The following ERC2 variants were observed in gnomAD, a reference collection of about 807,000 sequenced individuals.
The protein encoded by ERC2 is ERC protein 2.
ERC2 carries 42 observed loss-of-function variants against 114.8 expected under a neutral mutation model. That is an observed-to-expected ratio of 0.37 (90% CI 0.29 to 0.47). The LOEUF (loss-of-function observed/expected upper bound fraction) is 0.47, where lower values mean the gene tolerates loss of function less well. Ranked by LOEUF, ERC2 falls within the 20% of genes least tolerant of loss-of-function variation. The pLI is 0.99. For missense variants in ERC2, 939 were observed against 1,150.7 expected (o/e 0.82, Z 2.66); for synonymous variants, 454 against 425.5 (o/e 1.07, Z -0.82).
At chr3:55,856,824 A>G (rs1376705541) in intron 14 of ERC2, among the ~76,000 whole-genome samples, 2 of 152,206 alleles carry the variant, frequency 1.3e-5, no homozygotes, top group Non-Finnish European at 2.9e-5. Context: ...ATAGAATATT[A>G]TTTGGCAATA....
At chr3:55,944,888 C>T (rs890083882) in intron 13 of ERC2, among the ~76,000 whole-genome samples, 2 of 152,154 alleles carry the variant, frequency 1.3e-5, no homozygotes, top group Admixed American at 1.3e-4. Flanking sequence ...ATTCCTTGTC[C>T]TCTGTAGACT....
chr3:55,705,435 G>T (rs1487100574), intron 15 of ERC2, among the ~76,000 whole-genome samples: 1 of 152,148 alleles, frequency 6.6e-6, no homozygotes, highest in Non-Finnish European at 1.5e-5. Flanking sequence ...TCCTTTACTG[G>T]ATGTGGAAAG....
intron 7 of ERC2, among the ~76,000 whole-genome samples, chr3:56,068,137 G>A (rs2076565127): frequency 6.6e-6 from 1 of 152,118 alleles, no homozygotes; most frequent in Non-Finnish European, 1.5e-5. Context: ...TTGTACCTCT[G>A]GTAGAATTTG....
At chr3:56,043,080 G>A (rs2075279776) in intron 7 of ERC2, among the ~76,000 whole-genome samples, 1 of 152,114 alleles carries the variant, frequency 6.6e-6, no homozygotes, top group Admixed American at 6.6e-5. Flanking sequence ...GGATGGCAGA[G>A]CGGCCAAGAG....
intron 17 of ERC2, among the ~76,000 whole-genome samples, chr3:55,665,539 G>A (rs1447358004): frequency 1.3e-5 from 2 of 152,094 alleles, no homozygotes; most frequent in South Asian, 2.1e-4. Flanking sequence ...ACTCAACAAC[G>A]CCGGGAGAAA....
intron 6 of ERC2, among the ~76,000 whole-genome samples, chr3:56,114,008 A>G (rs2079100590): frequency 6.6e-6 from 1 of 152,210 alleles, no homozygotes; most frequent in Non-Finnish European, 1.5e-5. Flanking sequence ...CTGCTGGCTA[A>G]GAGGTGTATC....
chr3:55,834,242 G>C (rs1404134502), intron 14 of ERC2, among the ~76,000 whole-genome samples: 6 of 152,158 alleles, frequency 3.9e-5, no homozygotes, highest in Admixed American at 6.6e-5. Context: ...ATTGAACTCA[G>C]CTCTGCACCA....
intron 17 of ERC2, among the ~76,000 whole-genome samples, chr3:55,524,183 C>G (rs981486319): frequency 1.3e-5 from 2 of 152,228 alleles, no homozygotes; most frequent in Non-Finnish European, 2.9e-5. Context: ...CCCCTCTATA[C>G]TCGCCCATAC....
chr3:55,931,582 C>T (rs898938951), intron 13 of ERC2, among the ~76,000 whole-genome samples: 1 of 151,990 alleles, frequency 6.6e-6, no homozygotes, highest in Admixed American at 6.6e-5. Context: ...GAGGGGAACA[C>T]CACACACTGG....
intron 2 of ERC2, among the ~76,000 whole-genome samples, chr3:56,334,087 G>A (rs554226095): frequency 6.6e-6 from 1 of 152,214 alleles, no homozygotes; most frequent in African/African-American, 2.4e-5. Context: ...TGGGATCCAT[G>A]GTGTCATCTT....
intron 15 of ERC2, among the ~76,000 whole-genome samples, chr3:55,706,596 G>C (rs815429): frequency 0.53 from 80,303 of 151,550 alleles, 22,345 homozygotes; most frequent in South Asian, 0.73. Context: ...ATTTTTAGTA[G>C]AGATAGGGTT....
At chr3:56,271,020 C>G (rs1159919034) in intron 3 of ERC2, among the ~76,000 whole-genome samples, 1 of 152,142 alleles carries the variant, frequency 6.6e-6, no homozygotes, top group African/African-American at 2.4e-5. Flanking sequence ...AAAAACCAGC[C>G]TTGTACTTTC....
chr3:55,600,808 G>C (rs925198293), intron 17 of ERC2, among the ~76,000 whole-genome samples: 2 of 152,328 alleles, frequency 1.3e-5, no homozygotes, highest in Non-Finnish European at 2.9e-5. Context: ...GCCTCACCTA[G>C]AGCCATTAAG....
intron 4 of ERC2, among the ~76,000 whole-genome samples, chr3:56,155,575 C>A (rs772449885): frequency 2.6e-5 from 4 of 151,874 alleles, no homozygotes; most frequent in Non-Finnish European, 4.4e-5. Context: ...CAAGTGATAG[C>A]GTGAAAGGTA....
chr3:56,304,127 T>C (rs1221200583), intron 2 of ERC2, among the ~76,000 whole-genome samples: 5 of 151,550 alleles, frequency 3.3e-5, no homozygotes, highest in African/African-American at 1.2e-4. Context: ...TATACAGCAA[T>C]GAAAAATAAA....
In ERC2 at chr3:55,905,206, G is replaced by A. The variant is rs147149328; in HGVS notation, c.2404-16657C>T. Among the ~76,000 whole-genome samples, 66 of 152,176 alleles carry A rather than the reference G, an allele frequency of 4.3e-4. No individual in the cohort carries two copies. In the Middle Eastern group the frequency reaches 0.01, roughly 24 times the overall value. The stretch of plus-strand genomic sequence containing the variant: ...AGCAATTCTCCTGCCTCAGCCTCCT[G>A]AGTAGCTAGGACCACAGGCATGCAC... On this transcript the variant is annotated intron_variant, in intron 13 of 17. Coordinates refer to ENST00000288221, the MANE Select transcript of ERC2 (RefSeq NM_015576.3).
chr3:55,910,191 A>C (rs2064715890), intron 13 of ERC2, among the ~76,000 whole-genome samples: 1 of 152,226 alleles, frequency 6.6e-6, no homozygotes, highest in South Asian at 2.1e-4. Flanking sequence ...AGAGTTGGAG[A>C]CCAGCCTGGC....
chr3:55,834,468 A>G (rs1488880411), intron 14 of ERC2, among the ~76,000 whole-genome samples: 2 of 152,016 alleles, frequency 1.3e-5, no homozygotes, highest in African/African-American at 2.4e-5. Context: ...ACTCAAAACC[A>G]CTCAACTACA....
chr3:55,529,518 CAAGATA>C (rs1260107137), intron 17 of ERC2, among the ~76,000 whole-genome samples: 1 of 152,092 alleles, frequency 6.6e-6, no homozygotes, highest in East Asian at 1.9e-4. Flanking sequence ...CAAATATATG[CAAGATA>C]AAGAATTCCC....
Sources: allele counts gnomAD v4.1 joint callset (sites outside exome capture counted in the v4.1 genomes callset), GRCh38; gene constraint gnomAD v4.1.1; transcripts MANE v1.5; gene names NCBI Gene and HGNC (gene_info 2026-07-23, HGNC 2026-07-21).